Variants in SPOPL observed in about 807,000 individuals in gnomAD.
SPOPL encodes speckle type BTB/POZ protein like.
In SPOPL, 23 loss-of-function variants were observed where a neutral mutation model predicts 53.8. The observed-to-expected ratio is 0.43, with a 90% CI of 0.31 to 0.61. The LOEUF is 0.61. Ranked by LOEUF, SPOPL falls within the 20% of genes least tolerant of loss-of-function variation. The probability of loss-of-function intolerance (pLI) is 0.12; values close to 1 mark genes in which losing one functional copy is unlikely to be tolerated. For missense variants in SPOPL, 442 were observed against 466.9 expected (o/e 0.95, Z 0.49); for synonymous variants, 164 against 149.7 (o/e 1.10, Z -0.70).
At chr2:138,521,743 G>T (rs913472953) in intron 1 of SPOPL, among the ~76,000 whole-genome samples, 1 of 152,288 alleles carries the variant, frequency 6.6e-6, no homozygotes, top group African/African-American at 2.4e-5. Context: ...TCTATAAAAT[G>T]TAATTAAAAC....
intron 4 of SPOPL, among the ~76,000 whole-genome samples, chr2:138,551,351 T>C (rs976846784): frequency 6.6e-6 from 1 of 152,064 alleles, no homozygotes; most frequent in Non-Finnish European, 1.5e-5. Context: ...GTTCAGTGCT[T>C]GGCATATATA....
At chr2:138,546,810 A>G (rs1416502949) in intron 1 of SPOPL, among the ~76,000 whole-genome samples, 1 of 152,210 alleles carries the variant, frequency 6.6e-6, no homozygotes, top group East Asian at 1.9e-4. Flanking sequence ...CTGAAGAATG[A>G]ACAACATATA....
rs1573908295 is a variant in SPOPL, at chr2:138,561,011, T to A, written c.837+84T>A. 2.0e-6 allele frequency: 3 copies of A among 1,499,182 alleles called. No homozygotes were observed. The East Asian group carries it at 7.1e-5, about 36-fold the overall frequency. 92.9% of individuals were successfully genotyped at this position (1,499,182 alleles called of 1,614,324 possible). On this transcript the variant is annotated intron_variant, in intron 8 of 10. Coordinates refer to ENST00000280098, the MANE Select transcript of SPOPL (RefSeq NM_001001664.3). ...GCTGTCATCAAATGAAAACTCCAAA[T>A]AACTCGTATTTTGTAGATGGCTCTT... is the stretch of plus-strand genomic sequence containing the variant.
Position 138,559,262 on chromosome 2 carries a change from GATAC to G in SPOPL, c.659-16_659-13del. 1 of 1,611,378 alleles carries G rather than the reference GATAC, an allele frequency of 6.2e-7. No homozygotes were observed. Among genetic ancestry groups the G allele is most frequent in the Non-Finnish European group, 8.5e-7 (1 of 1,178,984 alleles). The stretch of plus-strand genomic sequence containing the variant: ...AAAATGCATTTATGCATAAAATAAT[GATAC>G]ATAATCTTGTTACAGCTCGATCTCC... On this transcript the variant is annotated splice_polypyrimidine_tract_variant and intron_variant, in intron 6 of 10. Coordinates refer to ENST00000280098, the MANE Select transcript of SPOPL (RefSeq NM_001001664.3).
intron 1 of SPOPL, among the ~76,000 whole-genome samples, chr2:138,532,593 ATTTTTTTTTTT>A (rs71301784): frequency 8.9e-6 from 1 of 111,874 alleles, no homozygotes; most frequent in Non-Finnish European, 1.8e-5. Flanking sequence ...CGCCCGGCTA[ATTTTTTTTTTT>A]TTTTTTTTTT....
intron 1 of SPOPL, among the ~76,000 whole-genome samples, chr2:138,515,907 C>T (rs1684426765): frequency 6.6e-6 from 1 of 152,060 alleles, no homozygotes; most frequent in Admixed American, 6.6e-5. Flanking sequence ...TACTTGTGCT[C>T]TACATATTCA....
chr2:138,548,239 C>CTTTTT (rs34021497), intron 1 of SPOPL, among the ~76,000 whole-genome samples: 3 of 88,992 alleles, frequency 3.4e-5, no homozygotes, highest in African/African-American at 8.9e-5. Context: ...TGAAGGTAAA[C>CTTTTT]TTTTTTTTTT....
chr2:138,540,103 A>G (rs1439247944), intron 1 of SPOPL, among the ~76,000 whole-genome samples: 3 of 152,126 alleles, frequency 2.0e-5, no homozygotes, highest in Non-Finnish European at 4.4e-5. Flanking sequence ...CCGTTGGTCT[A>G]TATCTCTGTT....
chr2:138,544,368 C>T (rs185416276), intron 1 of SPOPL, among the ~76,000 whole-genome samples: 10 of 152,326 alleles, frequency 6.6e-5, no homozygotes, highest in East Asian at 3.9e-4. Context: ...CCTTGAGCTG[C>T]GGTGGGCTCC....
chr2:138,554,834 C>T (rs1685387525), intron 5 of SPOPL, among the ~76,000 whole-genome samples: 1 of 152,160 alleles, frequency 6.6e-6, no homozygotes, highest in East Asian at 1.9e-4. Flanking sequence ...ACAAGTATTT[C>T]ATGAGGTTTA....
intron 1 of SPOPL, among the ~76,000 whole-genome samples, chr2:138,530,893 G>A (rs1003216404): frequency 4.0e-5 from 6 of 150,626 alleles, no homozygotes; most frequent in Non-Finnish European, 5.9e-5. Flanking sequence ...CCTCATTCCC[G>A]TTTCTCAGGG....
At chr2:138,545,354 T>C (rs1685170840) in intron 1 of SPOPL, among the ~76,000 whole-genome samples, 1 of 152,130 alleles carries the variant, frequency 6.6e-6, no homozygotes, top group Non-Finnish European at 1.5e-5. Flanking sequence ...TAAGCAGGTT[T>C]GTTAAAATGC....
At chr2:138,554,493 G>T (rs750528702) in intron 5 of SPOPL, 2 of 1,290,240 alleles carry the variant, frequency 1.6e-6, no homozygotes, top group South Asian at 2.5e-5. Context: ...CCTTCCTAAA[G>T]AACTGCCTCC....
At chr2:138,512,967 A>G (rs1684359060) in intron 1 of SPOPL, among the ~76,000 whole-genome samples, 1 of 152,224 alleles carries the variant, frequency 6.6e-6, no homozygotes, top group African/African-American at 2.4e-5. Context: ...TACACTGCTA[A>G]GGTAGGTCAG....
chr2:138,541,422 C>A (rs1207967700), intron 1 of SPOPL, among the ~76,000 whole-genome samples: 8 of 152,228 alleles, frequency 5.3e-5, no homozygotes, highest in South Asian at 2.1e-4. Flanking sequence ...AATTTCAGAG[C>A]CTGTTATTGG....
chr2:138,563,627 A>C (rs947527238), intron 8 of SPOPL, among the ~76,000 whole-genome samples: 39 of 152,232 alleles, frequency 2.6e-4, no homozygotes, highest in African/African-American at 9.2e-4. Context: ...TAGAATTCTC[A>C]TGTTAAAGAC....
chr2:138,566,842 A>T (rs1459811486), intron 10 of SPOPL, among the ~76,000 whole-genome samples: 1 of 152,230 alleles, frequency 6.6e-6, no homozygotes, highest in Non-Finnish European at 1.5e-5. Flanking sequence ...AATACAATAG[A>T]AGAGAATATG....
At chr2:138,553,008 G>A (rs1304227194) in intron 5 of SPOPL, among the ~76,000 whole-genome samples, 1 of 152,032 alleles carries the variant, frequency 6.6e-6, no homozygotes, top group African/African-American at 2.4e-5. Context: ...AACTGACATA[G>A]ATTGTCAATT....
chr2:138,545,926 T>C (rs1338224598), intron 1 of SPOPL, among the ~76,000 whole-genome samples: 2 of 152,216 alleles, frequency 1.3e-5, no homozygotes, highest in Non-Finnish European at 2.9e-5. Flanking sequence ...TTCATAGATA[T>C]TTTTAAAGAA....
Sources: allele counts gnomAD v4.1 joint callset (sites outside exome capture counted in the v4.1 genomes callset), GRCh38; gene constraint gnomAD v4.1.1; transcripts MANE v1.5; gene names NCBI Gene and HGNC (gene_info 2026-07-23, HGNC 2026-07-21).